The following RYR2 variants were observed in gnomAD, a reference collection of about 807,000 sequenced individuals.
RYR2 encodes ryanodine receptor 2.
In RYR2, 227 loss-of-function variants were observed where a neutral mutation model predicts 601.1. The observed-to-expected ratio is 0.38, with a 90% CI of 0.34 to 0.42. The LOEUF (loss-of-function observed/expected upper bound fraction) is 0.42. Ranked by LOEUF, RYR2 falls within the 10% of genes least tolerant of loss-of-function variation. RYR2 has a pLI of 1.00. For missense variants in RYR2, 4,646 were observed against 6,156.5 expected, an observed-to-expected ratio of 0.75 and a Z score of 8.21; for synonymous variants, 2,223 against 2,175.1, an observed-to-expected ratio of 1.02 and a Z score of -0.61.
At chr1:237,805,574 C>CTTTTTTTTTTTTTTTTTTTT (rs1553334508) in intron 98 of RYR2, among the ~76,000 whole-genome samples, 25 of 100,448 alleles carry the variant, frequency 2.5e-4, no homozygotes, top group African/African-American at 7.5e-4. Context: ...GAGCTAGACT[C>CTTTTTTTTTTTTTTTTTTTT]TGTCTCAAAA....
intron 29 of RYR2, among the ~76,000 whole-genome samples, chr1:237,573,335 A>G (rs1672895366): frequency 6.6e-6 from 1 of 151,948 alleles, no homozygotes; most frequent in Admixed American, 6.6e-5. Context: ...TCAGCTTAGT[A>G]GACAACATGG....
intron 4 of RYR2, among the ~76,000 whole-genome samples, chr1:237,363,903 T>C (rs1453639701): frequency 1.3e-5 from 2 of 152,170 alleles, no homozygotes; most frequent in Non-Finnish European, 2.9e-5. Flanking sequence ...TTGCAGCATA[T>C]TAGTTTACGA....
At position 237,337,642 on chromosome 1, in the gene RYR2, C is replaced by T. The variant is rs199743205; in HGVS notation, c.273+6660C>T. On this transcript the variant is annotated intron_variant, in intron 3 of 104. Transcript: ENST00000366574. ...ATATAAGTAAAGTGTGTAGAACAAT[C>T]GTGGCATGCAAGAAGCACTATGAGT... is the stretch of plus-strand genomic sequence containing the variant. 3.6e-4 allele frequency among the ~76,000 whole-genome samples: 55 copies of T among 152,146 alleles called. No homozygotes were observed. In the East Asian group the frequency reaches 7.7e-3, roughly 21 times the overall value.
chr1:237,480,333 C>T (rs112154811), intron 17 of RYR2, among the ~76,000 whole-genome samples: 3,159 of 140,202 alleles, frequency 0.023, 55 homozygotes, highest in Non-Finnish European at 0.034. Flanking sequence ...GCAGGAGGAT[C>T]GCTTAAGCCT....
At chr1:237,363,900 A>G (rs1699989435) in intron 4 of RYR2, among the ~76,000 whole-genome samples, 1 of 152,194 alleles carries the variant, frequency 6.6e-6, no homozygotes, top group African/African-American at 2.4e-5. Flanking sequence ...TCATTGCAGC[A>G]TATTAGTTTA....
At chr1:237,083,413 C>T (rs1002665685) in intron 1 of RYR2, among the ~76,000 whole-genome samples, 3 of 152,226 alleles carry the variant, frequency 2.0e-5, no homozygotes, top group South Asian at 4.1e-4. Flanking sequence ...GCCTTTCACT[C>T]GGGGATCTCA....
At position 237,614,793 on chromosome 1, in the gene RYR2, C is replaced by G; in HGVS notation, c.5665C>G (p.Pro1889Ala). 1 of 1,605,944 alleles carries G rather than the reference C, an allele frequency of 6.2e-7. No homozygotes were observed. Among genetic ancestry groups the G allele is most frequent in the Non-Finnish European group, 8.5e-7 (1 of 1,174,804 alleles). ...GEEEAKGGKR[P>A]KEGLLQMKLP... is the part of the protein sequence containing the mutation. Reference sequence around the variant, plus strand: ...GGAAGAAGCCAAGGGGGGCAAGCGGCCCAAGGAAGGCCTGCTCCAAATGAA... The same window carrying G: ...GGAAGAAGCCAAGGGGGGCAAGCGGGCCAAGGAAGGCCTGCTCCAAATGAA... The change falls in exon 37 of 105, where the codon CCC becomes GCC. Residue 1889 changes from proline to alanine, a missense_variant. Pro to Ala is a conservative substitution (Grantham distance 27). Coordinates refer to ENST00000366574, the MANE Select transcript of RYR2 (RefSeq NM_001035.3). The surrounding 1 kb of genome is among the most constrained non-coding windows in gnomAD (Gnocchi z 4.3).
intron 62 of RYR2, 117 bp from the exon 63 acceptor site, chr1:237,687,338 C>G: frequency 1.5e-6 from 1 of 659,284 alleles, no homozygotes; most frequent in Non-Finnish European, 2.6e-6. Flanking sequence ...GCTCATATAT[C>G]AGCTGTTTTT....
intron 17 of RYR2, among the ~76,000 whole-genome samples, chr1:237,491,335 T>G (rs1663313891): frequency 6.6e-6 from 1 of 152,132 alleles, no homozygotes. Context: ...GGATTACACT[T>G]TCAGTGCCAA....
At chr1:237,705,441 A>G in intron 67 of RYR2, 98 bp downstream of exon 67, 1 of 954,440 alleles carries the variant, frequency 1.0e-6, no homozygotes, top group Non-Finnish European at 1.6e-6. Context: ...CTTTCAGTTT[A>G]CTATATCCAA....
chr1:237,806,193 C>G lies in RYR2; in HGVS notation c.14208C>G (p.Asn4736Lys). 1 of 1,600,114 alleles carries G rather than the reference C, an allele frequency of 6.2e-7. No individual in the cohort carries two copies. The highest frequency in any genetic ancestry group is 8.6e-7 in the Non-Finnish European group (1 of 1,169,514). Residue 4736 changes from asparagine to lysine, a missense_variant, in exon 99 of 105, where the codon AAC becomes AAG. This residue lies in a region of RYR2 where 76 missense variants were observed against 97.4 expected (regional missense o/e 0.78). Coordinates refer to ENST00000366574, the MANE Select transcript of RYR2 (RefSeq NM_001035.3). ...MTMSVLGHYN[N>K]FFFAAHLLDI... ...TGTCTGTTCTTGGACACTATAACAA[C>G]TTTTTTTTTGCCGCTCACCTTCTCG...
chr1:237,795,328 A>G lies in RYR2; in HGVS notation c.13953A>G (p.Arg4651=), dbSNP rs1174475251. 1.4e-6 allele frequency: 2 copies of G among 1,418,682 alleles called. No individual in the cohort carries two copies. Among genetic ancestry groups the G allele is most frequent in the Admixed American group, 2.0e-5 (1 of 49,164 alleles). 87.9% of individuals were successfully genotyped at this position (1,418,682 alleles called of 1,614,324 possible). Residue 4651 remains arginine, a synonymous_variant, in exon 96 of 105, where the codon AGA becomes AGG. Transcript: ENST00000366574. ...ACTACTGGGACAAATTTGTTAAAAGAAAGGTAATATTACTTGGAATCCTCT... is the reference window on the plus strand; with the variant it reads ...ACTACTGGGACAAATTTGTTAAAAGGAAGGTAATATTACTTGGAATCCTCT... ...PNNYWDKFVK[R]KVMDKYGEFY...
At chr1:237,192,402 A>G (rs1437435697) in intron 1 of RYR2, among the ~76,000 whole-genome samples, 1 of 151,876 alleles carries the variant, frequency 6.6e-6, no homozygotes, top group Admixed American at 6.6e-5. Context: ...TTTAGTATAG[A>G]CGGGGTTTCA....
At chr1:237,519,975 C>A (rs1019959960) in intron 24 of RYR2, among the ~76,000 whole-genome samples, 1 of 152,010 alleles carries the variant, frequency 6.6e-6, no homozygotes, top group African/African-American at 2.4e-5. Flanking sequence ...TTTATAGTTT[C>A]TCTTGTACAG....
intron 32 of RYR2, among the ~76,000 whole-genome samples, chr1:237,592,569 GT>G (rs959971664): frequency 6.6e-6 from 1 of 150,972 alleles, no homozygotes; most frequent in Non-Finnish European, 1.5e-5. Flanking sequence ...GGAGACAGAG[GT>G]TGCAGTGAGC....
chr1:237,266,568 G>A (rs1400613039), intron 1 of RYR2, among the ~76,000 whole-genome samples: 2 of 152,170 alleles, frequency 1.3e-5, no homozygotes, highest in Admixed American at 1.3e-4. Context: ...TTAATTAAAG[G>A]CAACTGGAAG....
At chr1:237,710,271 A>G (rs1483220191) in intron 70 of RYR2, among the ~76,000 whole-genome samples, 1 of 152,204 alleles carries the variant, frequency 6.6e-6, no homozygotes, top group Non-Finnish European at 1.5e-5. Context: ...TTTTTATATC[A>G]ATTATAATTC....
At chr1:237,553,046 A>C (rs188007758) in intron 27 of RYR2, among the ~76,000 whole-genome samples, 1 of 151,926 alleles carries the variant, frequency 6.6e-6, no homozygotes, top group South Asian at 2.1e-4. Flanking sequence ...TTGCTTTTTC[A>C]CTTTCTTAAT....
intron 31 of RYR2, 93 bp from the exon 32 acceptor site, chr1:237,591,646 A>G: frequency 9.5e-7 from 1 of 1,054,456 alleles, no homozygotes; most frequent in Non-Finnish European, 1.4e-6. Context: ...AAAATCGCCC[A>G]GGTTTAAGGC....
Sources: gnomAD v4.1 joint callset for allele counts (sites outside exome capture counted in the v4.1 genomes callset) on GRCh38, gnomAD v4.1.1 for gene constraint, gnomAD v4.1.1 regional missense constraint, Gnocchi (gnomAD v3.1) non-coding constraint, MANE v1.5 for transcripts, NCBI Gene and HGNC (gene_info 2026-07-23, HGNC 2026-07-21) for gene names.